KANSL1: variants seen among roughly 807,000 people sequenced by gnomAD.
KANSL1 encodes the protein MLL1/MLL complex subunit KANSL1.
A neutral mutation model predicts 103.6 loss-of-function variants in KANSL1; 22 were observed. That is an observed-to-expected ratio of 0.21 (90% CI 0.15 to 0.30). The LOEUF is 0.30. KANSL1 is among the 10% of genes least tolerant of loss of function. The pLI is 1.00. For synonymous variants in KANSL1, 600 were observed against 527.6 expected, an observed-to-expected ratio of 1.14 and a Z score of -1.88; for missense variants, 1,337 against 1,399.8, an observed-to-expected ratio of 0.96 and a Z score of 0.72.
At chr17:46,163,420 T>A (rs1319128188) in intron 2 of KANSL1, among the ~76,000 whole-genome samples, 2 of 152,234 alleles carry the variant, frequency 1.3e-5, no homozygotes, top group African/African-American at 2.4e-5. Flanking sequence ...TGGAGTTTAG[T>A]GGCACAATCA....
At chr17:46,224,203 C>A (rs2048614596), upstream of KANSL1, among the ~76,000 whole-genome samples, 1 of 152,232 alleles carries the variant, frequency 6.6e-6, no homozygotes. Context: ...CCGACTGTCC[C>A]AAGATTATGC....
intron 2 of KANSL1, among the ~76,000 whole-genome samples, chr17:46,137,053 C>T (rs2044182323): frequency 6.6e-6 from 1 of 152,168 alleles, no homozygotes; most frequent in Non-Finnish European, 1.5e-5. Context: ...GAGTGTAGGG[C>T]ACAGCTGGAG....
intron 2 of KANSL1, among the ~76,000 whole-genome samples, chr17:46,160,548 C>A (rs1467469344): frequency 2.0e-5 from 3 of 152,140 alleles, no homozygotes; most frequent in Admixed American, 2.0e-4. Context: ...CCCGCCTTGG[C>A]CTCCCCAAGT....
intron 2 of KANSL1, among the ~76,000 whole-genome samples, chr17:46,128,546 T>C (rs1052599515): frequency 6.6e-6 from 1 of 152,194 alleles, no homozygotes; most frequent in African/African-American, 2.4e-5. Flanking sequence ...AGAGTGAAGT[T>C]GTCCTTGTAC....
At chr17:46,190,956 G>C (rs2047287510) in intron 1 of KANSL1, among the ~76,000 whole-genome samples, 1 of 152,136 alleles carries the variant, frequency 6.6e-6, no homozygotes, top group African/African-American at 2.4e-5. Flanking sequence ...TGTTAGCAAA[G>C]AAAATGGTCC....
intron 1 of KANSL1, among the ~76,000 whole-genome samples, chr17:46,189,355 G>A (rs1444201937): frequency 3.3e-5 from 5 of 152,150 alleles, no homozygotes; most frequent in Non-Finnish European, 7.3e-5. Context: ...GAACGGAGAG[G>A]TCCTTTGTTG....
At chr17:46,056,461 T>TTAC (rs2077934478) in intron 6 of KANSL1, among the ~76,000 whole-genome samples, 1 of 152,222 alleles carries the variant, frequency 6.6e-6, no homozygotes, top group Admixed American at 6.5e-5. Context: ...TTAAGACAAG[T>TTAC]TACTGTGTCT....
intron 2 of KANSL1, among the ~76,000 whole-genome samples, chr17:46,105,908 CA>C (rs1567680476): frequency 5.3e-5 from 3 of 56,174 alleles, no homozygotes; most frequent in Non-Finnish European, 1.1e-4. Flanking sequence ...AAGGCCTTGA[CA>C]CACACACACA....
intron 3 of KANSL1, chr17:46,094,260 C>T: frequency 2.9e-6 from 1 of 339,566 alleles, no homozygotes; most frequent in Non-Finnish European, 5.2e-6. Context: ...TCATGCTCAA[C>T]TAATTTTTGT....
At chr17:46,035,209 G>A (rs1349542460) in intron 10 of KANSL1, 1 of 152,364 alleles carries the variant, frequency 6.6e-6, no homozygotes, top group Admixed American at 6.5e-5. Flanking sequence ...AGGAAACAGT[G>A]GCATAACAAA....
At chr17:46,174,245 TATG>T (rs1370943196) in intron 1 of KANSL1, among the ~76,000 whole-genome samples, 1 of 152,190 alleles carries the variant, frequency 6.6e-6, no homozygotes, top group East Asian at 1.9e-4. Flanking sequence ...AGTGCAGTGG[TATG>T]ATCTCAGCTC....
In KANSL1 at chr17:46,163,790, ATC is replaced by A. The variant is rs1158627758; in HGVS notation, c.1289+7063_1289+7064del. 4.4e-4 allele frequency among the ~76,000 whole-genome samples: 67 copies of A among 152,336 alleles called. 2 individuals are homozygous for A. The Middle Eastern group carries it at 0.014, about 31-fold the overall frequency. On this transcript the variant is annotated intron_variant, in intron 2 of 14. Coordinates refer to ENST00000432791, the MANE Select transcript of KANSL1 (RefSeq NM_015443.4). Reference sequence around the variant, plus strand: ...TTACCTCTACATCATTTCTGGAATTATCTCTTTTTCTTCTCACATTACATTTA... The same window carrying A: ...TTACCTCTACATCATTTCTGGAATTATCTTTTTCTTCTCACATTACATTTA...
Position 46,034,144 on chromosome 17 carries a change from C to T in KANSL1, c.2666+17G>A, listed in dbSNP as rs1244064287. Reference sequence around the variant, plus strand: ...CAGGAAGAATGGGGAGAGGAGCCAACTATTCTGAGCTTCTACCTGGGCGTA... The same window carrying T: ...CAGGAAGAATGGGGAGAGGAGCCAATTATTCTGAGCTTCTACCTGGGCGTA... On this transcript the variant is annotated intron_variant, in intron 11 of 14. Transcript: ENST00000432791. 1.9e-6 allele frequency: 3 copies of T among 1,613,044 alleles called. No homozygotes were observed. The highest frequency in any genetic ancestry group is 2.5e-6 in the Non-Finnish European group (3 of 1,179,470).
intron 3 of KANSL1, chr17:46,094,357 A>G (rs1463741282): frequency 1.9e-5 from 12 of 624,514 alleles, no homozygotes; most frequent in Admixed American, 3.7e-5. Context: ...TTGGCCTCCC[A>G]AAGTGCTGGG....
At chr17:46,133,887 T>C (rs576209399) in intron 2 of KANSL1, among the ~76,000 whole-genome samples, 4 of 152,288 alleles carry the variant, frequency 2.6e-5, no homozygotes, top group African/African-American at 9.6e-5. Flanking sequence ...GGTTACTATA[T>C]TGGTTCAAGG....
chr17:46,038,838 G>A, intron 9 of KANSL1, 152 bp from the exon 10 acceptor site: 1 of 1,174,910 alleles, frequency 8.5e-7, no homozygotes, highest in Non-Finnish European at 1.2e-6. Context: ...GCTGTGGGAA[G>A]TAGGGGCAGG....
chr17:46,032,301 T>G lies in KANSL1; in HGVS notation c.2838-2A>C. On this transcript the variant is annotated splice_acceptor_variant, in intron 13 of 14. Coordinates refer to ENST00000432791, the MANE Select transcript of KANSL1 (RefSeq NM_015443.4). LOFTEE classifies it high-confidence loss of function. Reference sequence around the variant, plus strand: ...CGGCCGTCTGATGACCTGTAGGACCTGCACACCAAGGAATGCAAATCTGAG... The same window carrying G: ...CGGCCGTCTGATGACCTGTAGGACCGGCACACCAAGGAATGCAAATCTGAG... 6.6e-7 allele frequency: 1 copy of G among 1,505,352 alleles called. No homozygotes were observed. Among genetic ancestry groups the G allele is most frequent in the Non-Finnish European group, 8.9e-7 (1 of 1,129,210 alleles). 93.2% of individuals were successfully genotyped at this position (1,505,352 alleles called of 1,614,324 possible).
intron 2 of KANSL1, among the ~76,000 whole-genome samples, chr17:46,095,990 C>G (rs17576709): frequency 0.14 from 21,648 of 151,864 alleles, 2,124 homozygotes; most frequent in Non-Finnish European, 0.22. Context: ...CGCACAGTCT[C>G]ATAAAGCCAA....
chr17:46,195,145 T>G (rs886301479), upstream of KANSL1, among the ~76,000 whole-genome samples: 3 of 152,260 alleles, frequency 2.0e-5, no homozygotes, highest in Non-Finnish European at 2.9e-5. Flanking sequence ...AGAAGGGTAT[T>G]GGACCAACAG....
Sources: gnomAD v4.1 joint callset for allele counts (sites outside exome capture counted in the v4.1 genomes callset) on GRCh38, gnomAD v4.1.1 for gene constraint, MANE v1.5 for transcripts, NCBI Gene and HGNC (gene_info 2026-07-23, HGNC 2026-07-21) for gene names.